Variants in POLR1C observed in about 807,000 individuals in gnomAD.
POLR1C encodes DNA-directed RNA polymerases I and III subunit RPAC1.
A neutral mutation model predicts 38.3 loss-of-function variants in POLR1C; 42 were observed. The observed-to-expected ratio is 1.10, with a 90% CI of 0.86 to 1.42. The LOEUF (loss-of-function observed/expected upper bound fraction) is 1.42, where lower values mean the gene tolerates loss of function less well. Among genes scored for constraint, POLR1C ranks in the 40% most tolerant of loss-of-function variants. The pLI is 0.00. For synonymous variants in POLR1C, 163 were observed against 163.9 expected (o/e 0.99, Z 0.04); for missense variants, 507 against 450.5 (o/e 1.13, Z -1.14).
chr6:43,522,128 A>G (rs556931227), downstream of POLR1C, among the ~76,000 whole-genome samples: 1 of 152,330 alleles, frequency 6.6e-6, no homozygotes, highest in Non-Finnish European at 1.5e-5. Flanking sequence ...GCCACACACG[A>G]AAGACACTGT....
chr6:43,526,812 G>T, intron 8 of POLR1C: 1 of 1,540,906 alleles, frequency 6.5e-7, no homozygotes, highest in East Asian at 2.3e-5. Flanking sequence ...AGCCACCTCA[G>T]GCCCACTGAT....
intron 10 of POLR1C, chr6:43,555,996 GAATC>G (rs779092984): frequency 1.2e-6 from 2 of 1,611,172 alleles, no homozygotes. Flanking sequence ...GGAAGGACAG[GAATC>G]AATAACTGGT....
chr6:43,533,929 G>A (rs763541168), downstream of POLR1C: 18 of 1,604,878 alleles, frequency 1.1e-5, no homozygotes, highest in Admixed American at 5.0e-5. Flanking sequence ...ATTTTTCCGC[G>A]TCAAGCATAT....
chr6:43,536,758 TAAAAAAAAAAAAAAA>T (rs1156884252), intron 9 of POLR1C, among the ~76,000 whole-genome samples: 10 of 19,086 alleles, frequency 5.2e-4, no homozygotes, highest in South Asian at 3.3e-3. Context: ...AGACTCTATC[TAAAAAAAAAAAAAAA>T]AAAAAAAAAA....
intron 9 of POLR1C, among the ~76,000 whole-genome samples, chr6:43,540,946 T>A (rs1390874742): frequency 2.6e-5 from 4 of 152,306 alleles, no homozygotes; most frequent in East Asian, 3.9e-4. Context: ...TCTTGTCATT[T>A]GCAACAATAT....
chr6:43,529,203 C>T (rs1184188249), intron 8 of POLR1C: 5 of 1,431,746 alleles, frequency 3.5e-6, no homozygotes, highest in Non-Finnish European at 4.7e-6. Flanking sequence ...GGAAGGAGGA[C>T]ATCCTTGTAA....
intron 9 of POLR1C, chr6:43,539,540 G>T: frequency 6.8e-7 from 1 of 1,465,010 alleles, no homozygotes; most frequent in Non-Finnish European, 9.4e-7. Context: ...CTTATCTTTG[G>T]CCTTGCCTCC....
At chr6:43,549,498 C>T (rs758510285) in intron 9 of POLR1C, 1 of 1,611,374 alleles carries the variant, frequency 6.2e-7, no homozygotes, top group Non-Finnish European at 8.5e-7. Context: ...CCAGCACAAG[C>T]TGGGGGTAGT....
Position 43,517,442 on chromosome 6 carries a change from G to A in POLR1C, c.141+65G>A. On this transcript the variant is annotated intron_variant, in intron 2 of 8. Coordinates refer to ENST00000642195, the MANE Select transcript of POLR1C (RefSeq NM_203290.4). Reference sequence around the variant, plus strand: ...CCAGACCTTGTGGTCTGAGCAGCCTGTGTCTGTCTCAGAAGCTGCTCTTGG... The same window carrying A: ...CCAGACCTTGTGGTCTGAGCAGCCTATGTCTGTCTCAGAAGCTGCTCTTGG... 3 of 1,379,502 alleles carry A rather than the reference G, an allele frequency of 2.2e-6. No individual in the cohort carries two copies. The Admixed American group carries it at 5.0e-5, about 23-fold the overall frequency. The allele number at this position is 1,379,502 out of a possible 1,614,324, so 85.5% of individuals were successfully genotyped here.
At chr6:43,549,712 A>G (rs1795137226) in intron 9 of POLR1C, 1 of 1,232,284 alleles carries the variant, frequency 8.1e-7, no homozygotes, top group African/African-American at 1.5e-5. Context: ...TAATGGAGTA[A>G]CATTTATAGC....
At position 43,553,150 on chromosome 6, in the gene POLR1C, A is replaced by C. The variant is rs111993234; in HGVS notation, c.*48+2139A>C. 0.026 allele frequency among the ~76,000 whole-genome samples: 3,894 copies of C among 152,090 alleles called. 153 individuals are homozygous for C. Among genetic ancestry groups the C allele is most frequent in the African/African-American group, 0.086 (3,570 of 41,472 alleles). Reference sequence around the variant, plus strand: ...GCAACACAGACTCCATTTTTATTATAAATTAGCCAGGTGTGGTGGCAAGTA... The same window carrying C: ...GCAACACAGACTCCATTTTTATTATCAATTAGCCAGGTGTGGTGGCAAGTA... On this transcript the variant is annotated intron_variant, in intron 10 of 10. Coordinates refer to the POLR1C transcript ENST00000607635.
chr6:43,545,707 C>CA (rs1416083810), intron 9 of POLR1C, among the ~76,000 whole-genome samples: 2 of 140,834 alleles, frequency 1.4e-5, no homozygotes, highest in Non-Finnish European at 3.0e-5. Flanking sequence ...GACTCTGTCT[C>CA]AAAAAAACAA....
chr6:43,556,167 G>A, intron 10 of POLR1C: 1 of 581,268 alleles, frequency 1.7e-6, no homozygotes, highest in Non-Finnish European at 2.8e-6. Flanking sequence ...TCTGGAAACT[G>A]TATTACCAGC....
chr6:43,517,208 G>C (rs777055335), intron 1 of POLR1C, 30 bp downstream of exon 1: 5 of 1,612,984 alleles, frequency 3.1e-6, no homozygotes, highest in South Asian at 1.1e-5. Flanking sequence ...GCTCGGGCGG[G>C]AGGAATGAGA....
chr6:43,550,985 A>G (rs1336012058), exon 10 of POLR1C: 1 of 188,062 alleles, frequency 5.3e-6, no homozygotes, highest in Non-Finnish European at 1.1e-5. Context: ...CTAAAGAGTG[A>G]GGCACTAGCA....
At chr6:43,533,926 C>G, downstream of POLR1C, 1 of 1,603,934 alleles carries the variant, frequency 6.2e-7, no homozygotes, top group Non-Finnish European at 8.5e-7. Context: ...CAGATTTTTC[C>G]GCGTCAAGCA....
intron 2 of POLR1C, 60 bp downstream of exon 2, chr6:43,517,437 A>G: frequency 1.4e-6 from 2 of 1,413,586 alleles, no homozygotes; most frequent in South Asian, 2.3e-5. Flanking sequence ...TGGTCTGAGC[A>G]GCCTGTGTCT....
chr6:43,524,861 G>T, downstream of POLR1C: 1 of 1,613,846 alleles, frequency 6.2e-7, no homozygotes, highest in Non-Finnish European at 8.5e-7. Flanking sequence ...AGGCCAGATG[G>T]ACCAGGGAAG....
intron 9 of POLR1C, among the ~76,000 whole-genome samples, chr6:43,550,383 A>G (rs577051538): frequency 6.6e-6 from 1 of 152,312 alleles, no homozygotes; most frequent in South Asian, 2.1e-4. Flanking sequence ...TCTCCAACTC[A>G]AATAATTTGC....
Sources: gnomAD v4.1 joint callset for allele counts (sites outside exome capture counted in the v4.1 genomes callset) on GRCh38, gnomAD v4.1.1 for gene constraint, MANE v1.5 for transcripts, NCBI Gene and HGNC (gene_info 2026-07-23, HGNC 2026-07-21) for gene names.